TMEM181: variants seen among roughly 807,000 people sequenced by gnomAD.
TMEM181 encodes transmembrane protein 181, also known as G protein-coupled receptor 178.
TMEM181 carries 39 observed loss-of-function variants against 71.9 expected under a neutral mutation model. The ratio of observed to expected loss-of-function variants is 0.54; its 90% CI spans 0.42 to 0.71. The LOEUF is 0.71. TMEM181 is among the 30% of genes least tolerant of loss of function. The probability of loss-of-function intolerance (pLI) is 0.00; values close to 1 mark genes in which losing one functional copy is unlikely to be tolerated. For synonymous variants in TMEM181, 245 were observed against 228.8 expected, an observed-to-expected ratio of 1.07 and a Z score of -0.64; for missense variants, 595 against 583.0, an observed-to-expected ratio of 1.02 and a Z score of -0.21.
chr6:158,582,037 T>C (rs370941295), intron 3 of TMEM181, among the ~76,000 whole-genome samples: 2 of 152,190 alleles, frequency 1.3e-5, no homozygotes, highest in Non-Finnish European at 2.9e-5. Context: ...TCTACCCTTA[T>C]AATTTTGCAA....
At chr6:158,630,244 C>A (rs1786584694) in intron 15 of TMEM181, among the ~76,000 whole-genome samples, 1 of 152,102 alleles carries the variant, frequency 6.6e-6, no homozygotes. Context: ...TCCTTTGATC[C>A]CAGCACTTCT....
intron 1 of TMEM181, among the ~76,000 whole-genome samples, chr6:158,565,242 T>C (rs1272219497): frequency 6.6e-6 from 1 of 152,232 alleles, no homozygotes; most frequent in Non-Finnish European, 1.5e-5. Context: ...TGCGGACTGC[T>C]CGCCTCCCCT....
chr6:158,584,123 C>A, intron 4 of TMEM181, 79 bp downstream of exon 4: 1 of 1,263,744 alleles, frequency 7.9e-7, no homozygotes. Context: ...TCAGAATATT[C>A]AGACAAGCAA....
chr6:158,547,848 T>C (rs912890865), intron 1 of TMEM181, among the ~76,000 whole-genome samples: 8 of 135,560 alleles, frequency 5.9e-5, no homozygotes, highest in African/African-American at 2.3e-4. Flanking sequence ...TATCACGCCA[T>C]TGCACTCCGG....
intron 1 of TMEM181, among the ~76,000 whole-genome samples, chr6:158,552,329 T>C: frequency 6.6e-6 from 1 of 152,248 alleles, no homozygotes; most frequent in Non-Finnish European, 1.5e-5. Context: ...TCTTGGAAGT[T>C]GAACCTGATG....
At position 158,615,095 on chromosome 6, in the gene TMEM181, C is replaced by G. The variant is rs148330234; in HGVS notation, c.896+6345C>G. Among the ~76,000 whole-genome samples the G allele has an allele frequency of 1.3e-3, 205 of 152,310 alleles. 2 individuals carry two copies. Among genetic ancestry groups the G allele is most frequent in the African/African-American group, 4.4e-3 (182 of 41,560 alleles). ...TCCACAACGGTTGAACTAGTTTACACTCCCACCAACAGTGTAAAAGTGTTC... is the reference window on the plus strand; with the variant it reads ...TCCACAACGGTTGAACTAGTTTACAGTCCCACCAACAGTGTAAAAGTGTTC... On this transcript the variant is annotated intron_variant, in intron 10 of 16. Transcript: ENST00000684151.
chr6:158,614,591 C>T (rs547812967), intron 10 of TMEM181, among the ~76,000 whole-genome samples: 113 of 152,256 alleles, frequency 7.4e-4, no homozygotes, highest in Middle Eastern at 3.4e-3. Context: ...CACCCATTAA[C>T]GCATCATTTA....
chr6:158,587,749 C>T (rs1026807816), intron 5 of TMEM181, among the ~76,000 whole-genome samples: 1 of 151,876 alleles, frequency 6.6e-6, no homozygotes, highest in African/African-American at 2.4e-5. Context: ...AGAGGTACAT[C>T]ATTGTCAGCA....
chr6:158,589,768 G>A lies in TMEM181; in HGVS notation c.478G>A (p.Gly160Arg). 1 of 1,612,990 alleles carries A rather than the reference G, an allele frequency of 6.2e-7. No homozygotes were observed. The change falls in exon 6 of 17, where the codon GGA becomes AGA. Residue 160 changes from glycine (G) to arginine (R), a missense_variant. Coordinates refer to ENST00000684151, the MANE Select transcript of TMEM181 (RefSeq NM_001376852.1). ...GFEHLKLPIK[G>R]MNFTWKTYNP... ...TGAACACCTGAAGCTCCCCATCAAG[G>A]GAATGAACTTCACAGTAAGTATACC... is the stretch of plus-strand genomic sequence containing the variant.
chr6:158,602,624 T>C (rs1393876713), intron 6 of TMEM181, among the ~76,000 whole-genome samples: 1 of 152,202 alleles, frequency 6.6e-6, no homozygotes, highest in Admixed American at 6.5e-5. Flanking sequence ...TACTTTTTTT[T>C]TTTTGAGATG....
At chr6:158,601,089 A>G (rs1459151129) in intron 6 of TMEM181, among the ~76,000 whole-genome samples, 1 of 152,084 alleles carries the variant, frequency 6.6e-6, no homozygotes, top group African/African-American at 2.4e-5. Flanking sequence ...TCAAGTCGTT[A>G]CTTTGATAAT....
chr6:158,573,160 T>C (rs367634056), intron 1 of TMEM181, among the ~76,000 whole-genome samples: 35 of 152,282 alleles, frequency 2.3e-4, no homozygotes, highest in African/African-American at 7.7e-4. Flanking sequence ...GGGGTTGGTG[T>C]GCTGCGTGCA....
intron 1 of TMEM181, among the ~76,000 whole-genome samples, chr6:158,561,299 C>T (rs1046071144): frequency 3.3e-5 from 5 of 152,208 alleles, no homozygotes; most frequent in African/African-American, 9.6e-5. Context: ...TGCTTTAGCA[C>T]CTCTTGGGAA....
chr6:158,590,926 G>T (rs1784076109), intron 6 of TMEM181, among the ~76,000 whole-genome samples: 1 of 152,222 alleles, frequency 6.6e-6, no homozygotes, highest in South Asian at 2.1e-4. Flanking sequence ...TGCCTGGTCT[G>T]GACATTTCGT....
At position 158,625,739 on chromosome 6, in the gene TMEM181, T is replaced by C. The variant is rs758024510; in HGVS notation, c.1094T>C (p.Val365Ala). 1 of 1,611,330 alleles carries C rather than the reference T, an allele frequency of 6.2e-7. No individual in the cohort carries two copies. The highest frequency in any genetic ancestry group is 1.1e-5 in the South Asian group (1 of 89,932). Residue 365 changes from valine (V) to alanine (A), a missense_variant, in exon 13 of 17, where the codon GTA becomes GCA. Coordinates refer to ENST00000684151, the MANE Select transcript of TMEM181 (RefSeq NM_001376852.1). ...AAATTTTTGACTGCATTGACTTTCG[T>C]AGTACTTGTCATTAGGTAAGAAGAC... The part of the protein sequence containing the change: ...RLKFLTALTF[V>A]VLVISIAILY...
chr6:158,559,812 C>A (rs530308057), upstream of TMEM181, among the ~76,000 whole-genome samples: 5 of 152,264 alleles, frequency 3.3e-5, no homozygotes, highest in African/African-American at 9.6e-5. Context: ...CCCATCCTTA[C>A]GCCCCGACAC....
intron 2 of TMEM181, among the ~76,000 whole-genome samples, chr6:158,576,732 G>T (rs1783179101): frequency 6.6e-6 from 1 of 152,062 alleles, no homozygotes; most frequent in African/African-American, 2.4e-5. Context: ...GTTTCCAGAG[G>T]TACATTATTA....
chr6:158,623,572 A>G lies in TMEM181; in HGVS notation c.919A>G (p.Met307Val), dbSNP rs748879053. 59 of 1,581,520 alleles carry G rather than the reference A, an allele frequency of 3.7e-5. No individual in the cohort carries two copies. The highest frequency in any genetic ancestry group is 4.9e-5 in the Non-Finnish European group (57 of 1,161,320). The change falls in exon 11 of 17, where the codon ATG becomes GTG. Residue 307 changes from methionine (M) to valine (V), a missense_variant. Met to Val is a conservative substitution (Grantham distance 21). Transcript: ENST00000684151. ...TAGAGTTAACGAATTACATGATCCA[A>G]TGTACCAGTATCGAGTTGATACCGG... ...WQTVNELHDP[M>V]YQYRVDTGNF...
At chr6:158,583,532 T>C (rs997240507) in intron 3 of TMEM181, among the ~76,000 whole-genome samples, 5 of 152,188 alleles carry the variant, frequency 3.3e-5, no homozygotes, top group Non-Finnish European at 7.3e-5. Context: ...CCGGGCGCAG[T>C]GGCTAATGCC....
Sources: gnomAD v4.1 joint callset for allele counts (sites outside exome capture counted in the v4.1 genomes callset) on GRCh38, gnomAD v4.1.1 for gene constraint, MANE v1.5 for transcripts, NCBI Gene and HGNC (gene_info 2026-07-23, HGNC 2026-07-21) for gene names.